Variants in NDRG3 observed in about 807,000 individuals in gnomAD.
NDRG3 encodes NDRG family member 3.
NDRG3 carries 23 observed loss-of-function variants against 57.2 expected under a neutral mutation model. The observed-to-expected ratio is 0.40, with a 90% CI of 0.29 to 0.57. NDRG3 has a LOEUF of 0.57. Ranked by LOEUF, NDRG3 falls within the 20% of genes least tolerant of loss-of-function variation. NDRG3 has a pLI of 0.42. For synonymous variants in NDRG3, 132 were observed against 162.6 expected, an observed-to-expected ratio of 0.81 and a Z score of 1.43; for missense variants, 384 against 457.3, an observed-to-expected ratio of 0.84 and a Z score of 1.46.
At chr20:36,733,185 T>A (rs1269631517) in intron 1 of NDRG3, among the ~76,000 whole-genome samples, 73 of 54,888 alleles carry the variant, frequency 1.3e-3, no homozygotes, top group African/African-American at 4.8e-3. Flanking sequence ...TATATATATA[T>A]ATATATATAT....
chr20:36,711,550 T>TA (rs1231850759), intron 2 of NDRG3, among the ~76,000 whole-genome samples: 3 of 152,144 alleles, frequency 2.0e-5, no homozygotes, highest in African/African-American at 2.4e-5. Flanking sequence ...TCTCCCTTCT[T>TA]ACAATGATGT....
intron 12 of NDRG3, among the ~76,000 whole-genome samples, chr20:36,661,642 G>T (rs371721472): frequency 6.6e-6 from 1 of 152,164 alleles, no homozygotes; most frequent in Admixed American, 6.5e-5. Flanking sequence ...AATGGCTACC[G>T]AGCCAAGTGT....
rs142809819 is a variant in NDRG3 at position 36,728,719 on chromosome 20, T to C, written c.-48-6936A>G. On this transcript the variant is annotated intron_variant, in intron 1 of 15. Coordinates refer to ENST00000349004, the MANE Select transcript of NDRG3 (RefSeq NM_032013.4). ...ATCTGGTTCAAGGCATTTTGGTTTT[T>C]TTGTTTTTTTGGGGGGGAGGTTTTG... Among the ~76,000 whole-genome samples, 286 of 151,918 alleles carry C rather than the reference T, an allele frequency of 1.9e-3. 2 individuals are homozygous for C. Among genetic ancestry groups the C allele is most frequent in the African/African-American group, 6.5e-3 (269 of 41,436 alleles).
chr20:36,724,389 G>A (rs1568667176), intron 1 of NDRG3, among the ~76,000 whole-genome samples: 2 of 152,100 alleles, frequency 1.3e-5, no homozygotes, highest in East Asian at 3.8e-4. Context: ...GCTACTTAAT[G>A]CCCAGAAGTT....
intron 3 of NDRG3, among the ~76,000 whole-genome samples, chr20:36,690,016 A>G (rs1372782212): frequency 2.0e-5 from 3 of 152,072 alleles, no homozygotes; most frequent in Admixed American, 6.6e-5. Context: ...CACCGCGCCC[A>G]GCCTGTAATT....
At chr20:36,678,399 T>C (rs1163237000) in intron 8 of NDRG3, among the ~76,000 whole-genome samples, 1 of 152,146 alleles carries the variant, frequency 6.6e-6, no homozygotes, top group Non-Finnish European at 1.5e-5. Flanking sequence ...AAACCCAGGA[T>C]TGGCCGGGTG....
chr20:36,684,866 C>T (rs1600895301), intron 5 of NDRG3, among the ~76,000 whole-genome samples: 2 of 151,596 alleles, frequency 1.3e-5, no homozygotes, highest in East Asian at 3.9e-4. Context: ...AAAAAAAAAT[C>T]TTAGATAAAA....
intron 1 of NDRG3, among the ~76,000 whole-genome samples, chr20:36,734,818 T>C (rs888195918): frequency 5.9e-5 from 9 of 151,804 alleles, no homozygotes; most frequent in African/African-American, 2.2e-4. Context: ...AATGTCCTCT[T>C]TGGGGCAAAA....
At chr20:36,712,619 G>C (rs530165351) in intron 2 of NDRG3, among the ~76,000 whole-genome samples, 1 of 30,448 alleles carries the variant, frequency 3.3e-5, no homozygotes, top group South Asian at 9.3e-4. Context: ...TTTTTGAGAC[G>C]GAGTCTTGAT....
intron 1 of NDRG3, among the ~76,000 whole-genome samples, chr20:36,733,126 G>A (rs1314617359): frequency 8.3e-6 from 1 of 120,668 alleles, no homozygotes; most frequent in Non-Finnish European, 1.6e-5. Flanking sequence ...CAGCCTGGGT[G>A]ACGGAACACG....
At chr20:36,737,822 G>A (rs1985684132) in intron 1 of NDRG3, among the ~76,000 whole-genome samples, 1 of 152,166 alleles carries the variant, frequency 6.6e-6, no homozygotes, top group African/African-American at 2.4e-5. Context: ...GCTGATACCT[G>A]TAATACCAGC....
At chr20:36,718,463 T>A (rs1204872432) in intron 2 of NDRG3, among the ~76,000 whole-genome samples, 11 of 152,230 alleles carry the variant, frequency 7.2e-5, no homozygotes, top group Non-Finnish European at 1.5e-4. Flanking sequence ...GCTTTGTGTC[T>A]TAGTCTACTC....
intron 2 of NDRG3, among the ~76,000 whole-genome samples, chr20:36,715,051 TATA>T (rs1984187697): frequency 2.5e-5 from 3 of 121,454 alleles, no homozygotes; most frequent in African/African-American, 9.2e-5. Flanking sequence ...TATATATATA[TATA>T]TTATATTTAA....
intron 8 of NDRG3, among the ~76,000 whole-genome samples, chr20:36,672,785 T>C (rs1185650494): frequency 6.6e-6 from 1 of 150,638 alleles, no homozygotes; most frequent in Middle Eastern, 3.2e-3. Context: ...GCCGAGATCA[T>C]GCCACTGCAC....
intron 2 of NDRG3, among the ~76,000 whole-genome samples, chr20:36,707,783 C>T (rs1018548019): frequency 4.3e-4 from 65 of 152,006 alleles, no homozygotes; most frequent in African/African-American, 1.5e-3. Context: ...AATTGCAAGT[C>T]ATAAGAGTAT....
At chr20:36,724,456 C>T (rs1984797194) in intron 1 of NDRG3, among the ~76,000 whole-genome samples, 1 of 151,782 alleles carries the variant, frequency 6.6e-6, no homozygotes. Flanking sequence ...GGTGGCTTGA[C>T]TCTTAAACAG....
At chr20:36,720,866 C>T (rs1252734271) in intron 2 of NDRG3, among the ~76,000 whole-genome samples, 1 of 151,342 alleles carries the variant, frequency 6.6e-6, no homozygotes, top group African/African-American at 2.4e-5. Flanking sequence ...CACTCCACCT[C>T]CTGGGTTCTA....
chr20:36,684,436 C>T lies in NDRG3; in HGVS notation c.360G>A (p.Leu120=), dbSNP rs1162294138. The change falls in exon 6 of 16, where the codon CTG becomes CTA. Residue 120 remains leucine (L), a synonymous_variant. Coordinates refer to ENST00000349004, the MANE Select transcript of NDRG3 (RefSeq NM_032013.4). ...YPTMDELAEM[L]PPVLTHLSLK... The stretch of plus-strand genomic sequence containing the variant: ...ACCTTAGGTGGGTAAGAACAGGAGG[C>T]AGCATTTCAGCCAGCTCATCCATTG... 1.2e-6 allele frequency: 2 copies of T among 1,614,098 alleles called. No homozygotes were observed. The highest frequency in any genetic ancestry group is 3.3e-5 in the Admixed American group (2 of 60,012).
Position 36,731,341 on chromosome 20 carries a change from T to G in NDRG3, c.-48-9558A>C, listed in dbSNP as rs145341327. 6.1e-4 allele frequency among the ~76,000 whole-genome samples: 93 copies of G among 152,122 alleles called. 1 individual carries two copies. Among genetic ancestry groups the G allele is most frequent in the African/African-American group, 2.1e-3 (86 of 41,510 alleles). ...AAGAATTCAAGGGAGAAGAGAGATT[T>G]ACACAAAAGTGGAGGAAAACTGTCA... On this transcript the variant is annotated intron_variant, in intron 1 of 15. Coordinates refer to ENST00000349004, the MANE Select transcript of NDRG3 (RefSeq NM_032013.4).
Sources: allele counts gnomAD v4.1 joint callset (sites outside exome capture counted in the v4.1 genomes callset), GRCh38; gene constraint gnomAD v4.1.1; transcripts MANE v1.5; gene names NCBI Gene and HGNC (gene_info 2026-07-23, HGNC 2026-07-21).